Variants in DPH1 observed in about 807,000 individuals in gnomAD.
DPH1 encodes the protein diphthamide biosynthesis 1.
In DPH1, 59 loss-of-function variants were observed where a neutral mutation model predicts 55.3. That is an observed-to-expected ratio of 1.07 (90% confidence interval 0.87 to 1.33). The LOEUF is 1.33. DPH1 is among the 40% of genes most tolerant of loss of function. The pLI is 0.00. For synonymous variants in DPH1, 238 were observed against 235.5 expected, an observed-to-expected ratio of 1.01 and a Z score of -0.10; for missense variants, 628 against 584.8, an observed-to-expected ratio of 1.07 and a Z score of -0.76.
At chr17:2,039,429 G>C in intron 6 of DPH1, 1 of 203,076 alleles carries the variant, frequency 4.9e-6, no homozygotes, top group South Asian at 9.1e-5. Context: ...CCAGGCTGGA[G>C]TGCAGTGGCG....
intron 12 of DPH1, chr17:2,042,342 AG>A: frequency 1.4e-5 from 19 of 1,345,692 alleles, no homozygotes; most frequent in Non-Finnish European, 1.6e-5. Flanking sequence ...CCTCCCACCC[AG>A]TCCACACCCT....
chr17:2,037,652 A>G (rs1454265034), intron 6 of DPH1, among the ~76,000 whole-genome samples: 3 of 152,298 alleles, frequency 2.0e-5, no homozygotes, highest in Middle Eastern at 3.4e-3. Flanking sequence ...TGTATGTTGG[A>G]GGGAGGGACA....
chr17:2,037,037 A>G, intron 6 of DPH1, 81 bp downstream of exon 6: 6 of 1,535,496 alleles, frequency 3.9e-6, no homozygotes, highest in Non-Finnish European at 5.3e-6. Flanking sequence ...TCATCCAGGA[A>G]AGAAACCAAA....
rs760705605 is a variant in DPH1, at chr17:2,036,392, AC to A, written c.401-131del. The A allele has an allele frequency of 8.7e-7, 1 of 1,151,786 alleles. No individual in the cohort carries two copies. Among genetic ancestry groups the A allele is most frequent in the South Asian group, 1.5e-5 (1 of 67,304 alleles). The allele number at this position is 1,151,786 out of a possible 1,614,324, so 71.3% of individuals were successfully genotyped here. A position where few individuals can be genotyped will look rare whatever the true frequency, so the allele number is the denominator to read the frequency against. ...AGAAGGAGCTTCTAGGGGATCTGTG[AC>A]CCCCCTCTTCTCCTACCCTGTCCTT... On this transcript the variant is annotated intron_variant, in intron 4 of 12. Transcript: ENST00000263083. The surrounding 1 kb of genome is among the most constrained non-coding windows in gnomAD (Gnocchi z 4.8).
At position 2,041,100 on chromosome 17, in the gene DPH1, C is replaced by G; in HGVS notation, c.1008-3C>G. 6.3e-7 allele frequency: 1 copy of G among 1,597,462 alleles called. No homozygotes were observed. The highest frequency in any genetic ancestry group is 8.5e-7 in the Non-Finnish European group (1 of 1,171,512). On this transcript the variant is annotated splice_polypyrimidine_tract_variant and splice_region_variant and intron_variant, in intron 9 of 12. Transcript: ENST00000263083. ...TAGGGTCTGACCTGGCTTCCCTTCCCAGGTGGGTGCAGGTGGCATGTCCAC... is the reference window on the plus strand; with the variant it reads ...TAGGGTCTGACCTGGCTTCCCTTCCGAGGTGGGTGCAGGTGGCATGTCCAC...
At chr17:2,042,258 C>T (rs2067550616) in intron 12 of DPH1, 3 of 1,405,466 alleles carry the variant, frequency 2.1e-6, no homozygotes, top group Non-Finnish European at 9.2e-7. Flanking sequence ...TCCGGAAACG[C>T]ACTCAGTTTC....
intron 7 of DPH1, 105 bp downstream of exon 7, chr17:2,039,928 C>T (rs915670993): frequency 1.6e-5 from 24 of 1,530,730 alleles, no homozygotes; most frequent in Non-Finnish European, 2.0e-5. Context: ...ACTAAGCCAC[C>T]AGCCCTAAGG....
Position 2,043,294 on chromosome 17 carries a change from G to T in DPH1, c.*708G>T. On this transcript the variant is annotated 3_prime_UTR_variant, in exon 13 of 13. Coordinates refer to ENST00000263083, the MANE Select transcript of DPH1 (RefSeq NM_001383.6). ...TGTACTGAAGAAAAGGGGAGCACAA[G>T]GCCTTAATGGACATTGACTTGTGAA... 1.5e-6 allele frequency: 1 copy of T among 660,188 alleles called. No individual in the cohort carries two copies. The highest frequency in any genetic ancestry group is 2.2e-5 in the South Asian group (1 of 44,598). 40.9% of individuals were successfully genotyped at this position (660,188 alleles called of 1,614,324 possible).
At chr17:2,041,984 T>G in intron 12 of DPH1, 109 bp downstream of exon 12, 1 of 1,493,002 alleles carries the variant, frequency 6.7e-7, no homozygotes, top group Non-Finnish European at 8.9e-7. Context: ...TTCCGCCCCG[T>G]GCATTGTGCT....
At chr17:2,033,178 G>A (rs113170570) in intron 1 of DPH1, among the ~76,000 whole-genome samples, 6 of 151,974 alleles carry the variant, frequency 3.9e-5, no homozygotes, top group Non-Finnish European at 7.4e-5. Flanking sequence ...TTCACCTGGT[G>A]GGGGGGTGGG....
chr17:2,031,322 A>C (rs952323999), intron 1 of DPH1, among the ~76,000 whole-genome samples: 1 of 152,132 alleles, frequency 6.6e-6, no homozygotes, highest in South Asian at 2.1e-4. Flanking sequence ...GCACTCTGGG[A>C]GGCTGAGGCG....
chr17:2,041,349 C>G, intron 10 of DPH1, 132 bp from the exon 11 acceptor site: 1 of 1,470,560 alleles, frequency 6.8e-7, no homozygotes, highest in Non-Finnish European at 9.2e-7. Context: ...TAGGCAAGGC[C>G]CTGAACCACA....
intron 9 of DPH1, 52 bp from the exon 10 acceptor site, chr17:2,041,051 C>G: frequency 6.5e-7 from 1 of 1,541,250 alleles, no homozygotes; most frequent in Non-Finnish European, 8.8e-7. Context: ...CAGCATGCTG[C>G]CTGGGCGACG....
intron 3 of DPH1, among the ~76,000 whole-genome samples, chr17:2,034,516 C>T (rs1446946207): frequency 2.1e-4 from 24 of 114,290 alleles, no homozygotes; most frequent in African/African-American, 7.4e-4. Context: ...CCCCATCCCC[C>T]TCCCCTGCTC....
Position 2,043,005 on chromosome 17 carries a change from C to T in DPH1, c.*419C>T, listed in dbSNP as rs139327293. On this transcript the variant is annotated 3_prime_UTR_variant, in exon 13 of 13. Coordinates refer to ENST00000263083, the MANE Select transcript of DPH1 (RefSeq NM_001383.6). ...GTGTGCAACTGGCCAGCCAATTTCC[C>T]GGAGCCATCACCCTCACCCACTCTG... 1.3e-4 allele frequency: 209 copies of T among 1,614,126 alleles called. No homozygotes were observed. The African/African-American group carries it at 2.6e-3, about 20-fold the overall frequency.
At position 2,040,349 on chromosome 17, in the gene DPH1, G is replaced by A. The variant is rs201983229; in HGVS notation, c.881G>A (p.Arg294His). Reference sequence around the variant, plus strand: ...GGCCTTATTCTGGGCACTTTGGGCCGCCAGGGCAGTCCTAAGATCCTGGAG... The same window carrying A: ...GGCCTTATTCTGGGCACTTTGGGCCACCAGGGCAGTCCTAAGATCCTGGAG... The part of the protein sequence containing the change: ...SWGLILGTLG[R>H]QGSPKILEHL... Residue 294 changes from arginine (R) to histidine (H), a missense_variant, in exon 8 of 13, where the codon CGC (arginine) becomes CAC (histidine). Coordinates refer to ENST00000263083, the MANE Select transcript of DPH1 (RefSeq NM_001383.6). 1.4e-5 allele frequency: 23 copies of A among 1,613,848 alleles called. No individual in the cohort carries two copies. Among genetic ancestry groups the A allele is most frequent in the South Asian group, 2.2e-5 (2 of 91,088 alleles).
Position 2,041,857 on chromosome 17 carries a change from A to G in DPH1, c.1317A>G (p.Ter439TrpextTer51). Residue 439 changes from the stop codon to tryptophan (W), a stop_lost, in exon 12 of 13, where the codon TGA (stop) becomes TGG (tryptophan). Transcript: ENST00000263083. ...AGAAGGTGGCGCCGCTGGCTCCTTG[A>G]CGCGCTCCCGGGCCTCAGGTATCAG... ...RDEKVAPLAP[*>W] The G allele has an allele frequency of 6.3e-7, 1 of 1,591,912 alleles. No homozygotes were observed. Among genetic ancestry groups the G allele is most frequent in the Non-Finnish European group, 8.5e-7 (1 of 1,171,974 alleles).
Position 2,036,201 on chromosome 17 carries a change from C to G in DPH1, c.400+110C>G. On this transcript the variant is annotated intron_variant, in intron 4 of 12. Transcript: ENST00000263083. This position sits in a 1 kb window ranked among gnomAD's most constrained non-coding sequence, Gnocchi z 4.8. ...CTTGTCCTGCTTGGAGACACAAGGT[C>G]CCTCCTGGTTTCTGGGGTGGCCTCT... 1 of 1,500,934 alleles carries G rather than the reference C, an allele frequency of 6.7e-7. No homozygotes were observed. The highest frequency in any genetic ancestry group is 8.9e-7 in the Non-Finnish European group (1 of 1,122,284). The allele number at this position is 1,500,934 out of a possible 1,614,324, so 93.0% of individuals were successfully genotyped here.
chr17:2,042,555 C>T, intron 12 of DPH1, 50 bp from the exon 13 acceptor site: 4 of 1,484,436 alleles, frequency 2.7e-6, no homozygotes, highest in South Asian at 1.5e-5. Flanking sequence ...TCTTTCCTTC[C>T]TGGAGCCTCC....
Sources: gnomAD v4.1 joint callset for allele counts (sites outside exome capture counted in the v4.1 genomes callset) on GRCh38, gnomAD v4.1.1 for gene constraint, Gnocchi (gnomAD v3.1) non-coding constraint, MANE v1.5 for transcripts, NCBI Gene and HGNC (gene_info 2026-07-23, HGNC 2026-07-21) for gene names.